Variants in CCDC3 observed in about 807,000 individuals in gnomAD.
CCDC3 encodes coiled-coil domain containing 3.
A neutral mutation model predicts 21.4 loss-of-function variants in CCDC3; 24 were observed. The ratio of observed to expected loss-of-function variants is 1.12; its 90% CI spans 0.81 to 1.58. CCDC3 has a LOEUF of 1.58. Among genes scored for constraint, CCDC3 ranks in the 40% most tolerant of loss-of-function variants. The pLI, the probability that CCDC3 is intolerant of heterozygous loss-of-function variation, is 0.00. For synonymous variants in CCDC3, 186 were observed against 166.0 expected (o/e 1.12, Z -0.93); for missense variants, 425 against 360.9 (o/e 1.18, Z -1.44).
chr10:13,048,135 C>T (rs1010352738), intron 5 of CCDC3, among the ~76,000 whole-genome samples: 2 of 152,136 alleles, frequency 1.3e-5, no homozygotes, highest in Admixed American at 1.3e-4. Flanking sequence ...GAAAAGGTAG[C>T]TTCTTGCATG....
intron 2 of CCDC3, among the ~76,000 whole-genome samples, chr10:12,952,179 C>T (rs1343951970): frequency 6.6e-6 from 1 of 152,194 alleles, no homozygotes; most frequent in Non-Finnish European, 1.5e-5. Flanking sequence ...AACATATTAT[C>T]TAGCAGGCAC....
At chr10:12,965,513 T>A (rs1835249975) in intron 2 of CCDC3, among the ~76,000 whole-genome samples, 1 of 152,234 alleles carries the variant, frequency 6.6e-6, no homozygotes, top group African/African-American at 2.4e-5. Context: ...TTACGATTCC[T>A]ACTCCCGATG....
In CCDC3 at chr10:13,001,529, A is replaced by G; in HGVS notation, c.42T>C (p.Gly14=). The G allele has an allele frequency of 7.6e-7, 1 of 1,310,190 alleles. No individual in the cohort carries two copies. The highest frequency in any genetic ancestry group is 9.7e-7 in the Non-Finnish European group (1 of 1,032,356). The allele number at this position is 1,310,190 out of a possible 1,614,324, so 81.2% of individuals were successfully genotyped here. ...GGCAGGCGCGCGCGGGCGCTGGGGGACCCGCCAGGCAGAGCGCGGCGAGCA... is the reference window on the plus strand; with the variant it reads ...GGCAGGCGCGCGCGGGCGCTGGGGGGCCCGCCAGGCAGAGCGCGGCGAGCA... The part of the protein sequence containing the change: ...QLLLAALCLA[G]PPAPARACQL... Residue 14 remains glycine (G), a synonymous_variant, in exon 1 of 3, where the codon GGT becomes GGC. Coordinates refer to ENST00000378825, the MANE Select transcript of CCDC3 (RefSeq NM_031455.4).
intron 2 of CCDC3, among the ~76,000 whole-genome samples, chr10:12,908,286 C>G (rs1189257849): frequency 6.6e-6 from 1 of 152,202 alleles, no homozygotes; most frequent in African/African-American, 2.4e-5. Flanking sequence ...TGTGATGTAA[C>G]ACTTAGTATC....
chr10:13,043,243 G>C (rs960239154), intron 5 of CCDC3, among the ~76,000 whole-genome samples: 1 of 152,080 alleles, frequency 6.6e-6, no homozygotes, highest in African/African-American at 2.4e-5. Context: ...GGAGCCCCCA[G>C]TGTCTACTAT....
intron 3 of CCDC3, among the ~76,000 whole-genome samples, chr10:13,082,806 C>G (rs1363871829): frequency 6.7e-6 from 1 of 148,706 alleles, no homozygotes; most frequent in African/African-American, 2.5e-5. Flanking sequence ...CTCTGTATGG[C>G]CTGGTTTTTC....
At chr10:13,077,366 A>G (rs1282365939) in intron 3 of CCDC3, among the ~76,000 whole-genome samples, 1 of 152,248 alleles carries the variant, frequency 6.6e-6, no homozygotes, top group Non-Finnish European at 1.5e-5. Flanking sequence ...AAGAGGACAC[A>G]AACAAATGGA....
intron 3 of CCDC3, among the ~76,000 whole-genome samples, chr10:13,092,418 T>C (rs941897408): frequency 2.0e-5 from 3 of 152,200 alleles, no homozygotes; most frequent in African/African-American, 7.2e-5. Context: ...GATCTTCCTC[T>C]AGGAGTTTTC....
At chr10:12,998,592 G>T in intron 1 of CCDC3, 80 bp from the exon 2 acceptor site, 1 of 1,350,786 alleles carries the variant, frequency 7.4e-7, no homozygotes, top group Non-Finnish European at 1.0e-6. Context: ...ACAGACAACT[G>T]CAACGGGCTT....
At chr10:12,900,522 CAAAAA>C (rs10716235) in intron 2 of CCDC3, among the ~76,000 whole-genome samples, 9 of 75,856 alleles carry the variant, frequency 1.2e-4, no homozygotes, top group African/African-American at 3.5e-4. Flanking sequence ...ACTAAAAATA[CAAAAA>C]AAAAAAAAAA....
chr10:13,049,906 C>T (rs1456963363), exon 5 of CCDC3: 3 of 152,142 alleles, frequency 2.0e-5, no homozygotes, highest in African/African-American at 4.8e-5. Flanking sequence ...GAAAAAGAAA[C>T]AATATTTTTC....
intron 2 of CCDC3, among the ~76,000 whole-genome samples, chr10:12,986,772 CA>C (rs201147153): frequency 0.032 from 2,439 of 75,450 alleles, 68 homozygotes; most frequent in African/African-American, 0.094. Flanking sequence ...GACTCCGTCT[CA>C]AAAAAAAAAA....
chr10:12,912,270 C>T (rs1285680267), intron 2 of CCDC3, among the ~76,000 whole-genome samples: 1 of 152,222 alleles, frequency 6.6e-6, no homozygotes, highest in Non-Finnish European at 1.5e-5. Context: ...TCCCTTTACT[C>T]CACATCCTCA....
At chr10:13,059,648 G>T (rs606398) in intron 4 of CCDC3, among the ~76,000 whole-genome samples, 87,739 of 151,674 alleles carry the variant, frequency 0.58, 26,326 homozygotes, top group African/African-American at 0.74. Context: ...ATTACTGAAG[G>T]TTTTTTTTCT....
chr10:12,964,400 C>T (rs774721957), intron 2 of CCDC3, among the ~76,000 whole-genome samples: 3 of 151,692 alleles, frequency 2.0e-5, no homozygotes, highest in Non-Finnish European at 4.4e-5. Flanking sequence ...GAGAGAATGA[C>T]ATTTTCTGTT....
At chr10:13,007,541 C>G (rs1301274797) in intron 5 of CCDC3, among the ~76,000 whole-genome samples, 3 of 152,114 alleles carry the variant, frequency 2.0e-5, no homozygotes, top group African/African-American at 7.2e-5. Flanking sequence ...CTATTTCCTC[C>G]TGGATTATAG....
chr10:12,932,119 C>T (rs1439682361), intron 2 of CCDC3, among the ~76,000 whole-genome samples: 2 of 152,104 alleles, frequency 1.3e-5, no homozygotes, highest in African/African-American at 4.8e-5. Flanking sequence ...TAGTTTTCCT[C>T]ATGTAGATCT....
chr10:13,027,094 T>A (rs1358527890), intron 5 of CCDC3, among the ~76,000 whole-genome samples: 1 of 152,208 alleles, frequency 6.6e-6, no homozygotes, highest in Non-Finnish European at 1.5e-5. Context: ...TGCTTTAGTA[T>A]CTGTGTCTGT....
chr10:13,039,562 G>A (rs902008409), intron 5 of CCDC3, among the ~76,000 whole-genome samples: 1 of 152,218 alleles, frequency 6.6e-6, no homozygotes, highest in African/African-American at 2.4e-5. Context: ...TTGCCTAGGA[G>A]TTTAAAGCAT....
Sources: allele counts gnomAD v4.1 joint callset (sites outside exome capture counted in the v4.1 genomes callset), GRCh38; gene constraint gnomAD v4.1.1; transcripts MANE v1.5; gene names NCBI Gene and HGNC (gene_info 2026-07-23, HGNC 2026-07-21).